TARP: variants seen among roughly 807,000 people sequenced by gnomAD.
chr7:38,267,181 T>G, the TARP span, among the ~76,000 whole-genome samples: 1 of 151,794 alleles, frequency 6.6e-6, no homozygotes, highest in African/African-American at 2.4e-5. Flanking sequence ...AGCTCCATTA[T>G]TCTCTTCATC....
the TARP span, chr7:38,262,064 G>A: frequency 4.1e-5 from 37 of 894,714 alleles, no homozygotes; most frequent in Admixed American, 3.3e-4. Context: ...AATATCACTA[G>A]GTCCATTCTG....
chr7:38,266,257 G>C, the TARP span, among the ~76,000 whole-genome samples: 1 of 151,570 alleles, frequency 6.6e-6, no homozygotes, highest in Admixed American at 6.6e-5. Flanking sequence ...ATTCTGCGAT[G>C]CACCATATTT....
the TARP span, among the ~76,000 whole-genome samples, chr7:38,264,331 G>A: frequency 6.6e-5 from 10 of 151,646 alleles, no homozygotes; most frequent in African/African-American, 2.2e-4. Context: ...AGTGGCTGAC[G>A]CCCATAATCC....
the TARP span, among the ~76,000 whole-genome samples, chr7:38,267,311 A>T: frequency 6.6e-6 from 1 of 152,106 alleles, no homozygotes; most frequent in East Asian, 1.9e-4. Flanking sequence ...AAGGCATATC[A>T]CTTGAATCTG....
At chr7:38,266,626 T>C in the TARP span, among the ~76,000 whole-genome samples, 1 of 151,742 alleles carries the variant, frequency 6.6e-6, no homozygotes, top group African/African-American at 2.4e-5. Flanking sequence ...ATTTTTAACA[T>C]ACACAGTCAC....
the TARP span, among the ~76,000 whole-genome samples, chr7:38,269,142 C>A: frequency 6.6e-6 from 1 of 151,752 alleles, no homozygotes; most frequent in Non-Finnish European, 1.5e-5. Flanking sequence ...ATGTCTTTGA[C>A]CATCAGAGAT....
At chr7:38,262,174 T>G in the TARP span, 5 of 1,611,468 alleles carry the variant, frequency 3.1e-6, no homozygotes, top group Middle Eastern at 1.6e-4. Flanking sequence ...AGCTTACCAT[T>G]TGCATCTTTT....
the TARP span, among the ~76,000 whole-genome samples, chr7:38,263,003 T>C: frequency 6.6e-6 from 1 of 151,442 alleles, no homozygotes; most frequent in Non-Finnish European, 1.5e-5. Context: ...TCTTACATAT[T>C]TGAAGGAGTC....
the TARP span, chr7:38,273,478 G>C: frequency 0.085 from 78,807 of 925,342 alleles, 4,289 homozygotes; most frequent in African/African-American, 0.22. Flanking sequence ...CCTCTCTGGA[G>C]ATTTCACCAT....
At chr7:38,263,069 A>G in the TARP span, among the ~76,000 whole-genome samples, 1 of 151,596 alleles carries the variant, frequency 6.6e-6, no homozygotes, top group Admixed American at 6.6e-5. Flanking sequence ...TTTCCAAATC[A>G]TGCATATCCC....
the TARP span, among the ~76,000 whole-genome samples, chr7:38,266,946 C>A: frequency 6.6e-6 from 1 of 151,758 alleles, no homozygotes; most frequent in South Asian, 2.1e-4. Flanking sequence ...ATCAAAATTT[C>A]ATTTTGCTTC....
At chr7:38,269,367 A>G in the TARP span, 13 of 612,766 alleles carry the variant, frequency 2.1e-5, no homozygotes, top group Admixed American at 2.9e-5. Context: ...GTCTCTCCTA[A>G]GTTTTCTACA....
At chr7:38,262,004 A>G in the TARP span, among the ~76,000 whole-genome samples, 1 of 151,746 alleles carries the variant, frequency 6.6e-6, no homozygotes, top group South Asian at 2.1e-4. Flanking sequence ...ACCCCAAAGC[A>G]GTAGTTAGGT....
At chr7:38,273,483 C>T in the TARP span, 1 of 963,442 alleles carries the variant, frequency 1.0e-6, no homozygotes, top group East Asian at 2.4e-5. Context: ...CTGGAGATTT[C>T]ACCATGATTA....
chr7:38,265,442 T>C, the TARP span: 146,230 of 1,578,430 alleles, frequency 0.093, 8,833 homozygotes, highest in East Asian at 0.13. Flanking sequence ...TCCAGTGACT[T>C]TTCTGGCACC....
At chr7:38,259,728 G>T in the TARP span, 1 of 187,030 alleles carries the variant, frequency 5.3e-6, no homozygotes, top group African/African-American at 2.4e-5. Context: ...GCTTCAGGGC[G>T]TGTAAAATGA....
chr7:38,263,058 T>C, the TARP span, among the ~76,000 whole-genome samples: 4 of 150,578 alleles, frequency 2.7e-5, no homozygotes, highest in South Asian at 4.2e-4. Context: ...GCAGTCATTC[T>C]TTTCCAAATC....
chr7:38,266,635 A>G, the TARP span, among the ~76,000 whole-genome samples: 1 of 151,690 alleles, frequency 6.6e-6, no homozygotes, highest in East Asian at 1.9e-4. Context: ...ATACACAGTC[A>G]CTTGTTTTAA....
At chr7:38,269,345 G>C in the TARP span, 55 of 516,052 alleles carry the variant, frequency 1.1e-4, no homozygotes, top group South Asian at 1.3e-3. Context: ...TAGTATGAGC[G>C]TTTGTTTTAA....
Sources: gnomAD v4.1 joint callset for allele counts (sites outside exome capture counted in the v4.1 genomes callset) on GRCh38, gnomAD v4.1.1 for gene constraint, MANE v1.5 for transcripts.